The following PHACTR2 variants were observed in gnomAD, a reference collection of about 807,000 sequenced individuals.
The protein encoded by PHACTR2 is chromosome 6 open reading frame 56.
In PHACTR2, 30 loss-of-function variants were observed where a neutral mutation model predicts 76.0. The observed-to-expected ratio is 0.39, with a 90% confidence interval of 0.30 to 0.54. PHACTR2 has a LOEUF of 0.54. Ranked by LOEUF, PHACTR2 falls within the 20% of genes least tolerant of loss-of-function variation. PHACTR2 has a pLI of 0.61. For missense variants in PHACTR2, 696 were observed against 781.1 expected (o/e 0.89, Z 1.30); for synonymous variants, 292 against 292.5 (o/e 1.00, Z 0.02).
intron 1 of PHACTR2, among the ~76,000 whole-genome samples, chr6:143,563,382 G>A (rs1231160224): frequency 7.9e-6 from 1 of 126,748 alleles, no homozygotes; most frequent in Non-Finnish European, 1.7e-5. Flanking sequence ...TGCGAACATG[G>A]TGAAACCGCA....
rs1342671708 is a variant in PHACTR2, at chr6:143,767,065, TA to T, written c.1232+1268del. ...GTTGGTTTTGGTCAAGAAACTAAAA[TA>T]TCAACTTTAATTCTTTAATTGCTAA... is the stretch of plus-strand genomic sequence containing the variant. On this transcript the variant is annotated intron_variant, in intron 6 of 12. Coordinates refer to ENST00000440869, the MANE Select transcript of PHACTR2 (RefSeq NM_001100164.2). The surrounding 1 kb of genome is among the most constrained non-coding windows in gnomAD (Gnocchi z 4.4). Among the ~76,000 whole-genome samples the T allele has an allele frequency of 3.3e-5, 5 of 152,252 alleles. No individual in the cohort carries two copies. The highest frequency in any genetic ancestry group is 1.2e-4 in the African/African-American group (5 of 41,468).
intron 1 of PHACTR2, among the ~76,000 whole-genome samples, chr6:143,620,072 C>T (rs1378643917): frequency 1.3e-5 from 2 of 152,156 alleles, no homozygotes; most frequent in African/African-American, 4.8e-5. Context: ...AACTGTATGA[C>T]TGTGACGATA....
chr6:143,660,581 T>C (rs779933905), intron 1 of PHACTR2, among the ~76,000 whole-genome samples: 1 of 152,208 alleles, frequency 6.6e-6, no homozygotes, highest in African/African-American at 2.4e-5. Flanking sequence ...CAGGTTCATT[T>C]ATTCATTCAT....
intron 2 of PHACTR2, 75 bp downstream of exon 2, chr6:143,712,258 AGT>A (rs897876974): frequency 4.9e-6 from 5 of 1,028,194 alleles, no homozygotes; most frequent in Non-Finnish European, 6.7e-6. Flanking sequence ...TATGTTTTAC[AGT>A]GTGTTTTTTC....
rs760477419 is a variant in PHACTR2 at position 143,700,706 on chromosome 6, T to C, written c.47-11310T>C. ...GAACAGGGTGATCATTATCCTATCA[T>C]GGATGAGTTGAAATTCTTTCACTTG... On this transcript the variant is annotated intron_variant, in intron 1 of 12. Transcript: ENST00000440869. This position sits in a 1 kb window ranked among gnomAD's most constrained non-coding sequence, Gnocchi z 4.1. 2.0e-5 allele frequency among the ~76,000 whole-genome samples: 3 copies of C among 152,244 alleles called. No individual in the cohort carries two copies. Among genetic ancestry groups the C allele is most frequent in the Non-Finnish European group, 4.4e-5 (3 of 68,044 alleles).
chr6:143,707,666 T>C (rs1339779193), intron 1 of PHACTR2, among the ~76,000 whole-genome samples: 5 of 152,232 alleles, frequency 3.3e-5, no homozygotes. Context: ...TCTCTATAAT[T>C]TATTTATCAA....
At position 143,725,820 on chromosome 6, in the gene PHACTR2, C is replaced by CA. The variant is rs35596471; in HGVS notation, c.214+13653dup. 8.5e-3 allele frequency among the ~76,000 whole-genome samples: 1,124 copies of CA among 132,002 alleles called. 7 individuals are homozygous for CA. The highest frequency in any genetic ancestry group is 0.031 in the Middle Eastern group (8 of 256). 86.6% of individuals were successfully genotyped at this position (132,002 alleles called of 152,430 possible). A position where few individuals can be genotyped will look rare whatever the true frequency, so the allele number is the denominator to read the frequency against. ...CAGCCTGGCAATAGAGACTCTGTCT[C>CA]AAAAAAAAAAAAAAAAGAATGTCAT... On this transcript the variant is annotated intron_variant, in intron 2 of 12. Coordinates refer to ENST00000440869, the MANE Select transcript of PHACTR2 (RefSeq NM_001100164.2).
Position 143,825,649 on chromosome 6 carries a change from A to G in PHACTR2, c.*1960A>G, listed in dbSNP as rs1238804704. 6.6e-6 allele frequency: 1 copy of G among 152,064 alleles called. No homozygotes were observed. Among genetic ancestry groups the G allele is most frequent in the Non-Finnish European group, 1.5e-5 (1 of 67,996 alleles). 9.4% of individuals were successfully genotyped at this position (152,064 alleles called of 1,614,324 possible). ...TTTCCCAAAGTCATGCTTTTCCTTA[A>G]TTATATTTTTATTTTATTATTTTAG... On this transcript the variant is annotated 3_prime_UTR_variant, in exon 13 of 13. Coordinates refer to ENST00000440869, the MANE Select transcript of PHACTR2 (RefSeq NM_001100164.2). This position sits in a 1 kb window ranked among gnomAD's most constrained non-coding sequence, Gnocchi z 4.1.
rs1776010541 is a variant in PHACTR2 at position 143,803,760 on chromosome 6, TA to T, written c.1846-3296del. 6.6e-6 allele frequency among the ~76,000 whole-genome samples: 1 copy of T among 152,184 alleles called. No individual in the cohort carries two copies. The highest frequency in any genetic ancestry group is 2.1e-4 in the South Asian group (1 of 4,834). ...ATAGAGAAATACTGTATTTTGTAAA[TA>T]GGAATACCACTACTAAAACCATAAT... On this transcript the variant is annotated intron_variant, in intron 11 of 12. Transcript: ENST00000440869. This position sits in a 1 kb window ranked among gnomAD's most constrained non-coding sequence, Gnocchi z 4.7.
In PHACTR2 at chr6:143,807,149, C is replaced by A. The variant is rs1355115315; in HGVS notation, c.1922+16C>A. On this transcript the variant is annotated intron_variant, in intron 12 of 12. Transcript: ENST00000440869. The surrounding 1 kb of genome is among the most constrained non-coding windows in gnomAD (Gnocchi z 5.5). ...AGTTTACAAGGTAGGTGACAAAATG[C>A]AGCTTAGAAATTGAAAATGCTTAAG... 2.0e-6 allele frequency: 3 copies of A among 1,510,756 alleles called. No homozygotes were observed. The highest frequency in any genetic ancestry group is 2.7e-6 in the Non-Finnish European group (3 of 1,094,872). The allele number at this position is 1,510,756 out of a possible 1,614,324, so 93.6% of individuals were successfully genotyped here. A position where few individuals can be genotyped will look rare whatever the true frequency, so the allele number is the denominator to read the frequency against.
In PHACTR2 at chr6:143,558,485, A is replaced by T. The variant is rs914495211; in HGVS notation, c.217+21278A>T. On this transcript the variant is annotated intron_variant, in intron 1 of 11. Transcript: ENST00000367584. This position sits in a 1 kb window ranked among gnomAD's most constrained non-coding sequence, Gnocchi z 4.7. ...ATATGTAGTAAAACTACTAGGTTTT[A>T]AAAAAATTGAGTGTCAGATCTGTTA... is the stretch of plus-strand genomic sequence containing the variant. Among the ~76,000 whole-genome samples the T allele has an allele frequency of 1.3e-5, 2 of 152,178 alleles. No individual in the cohort carries two copies. Among genetic ancestry groups the T allele is most frequent in the Admixed American group, 6.5e-5 (1 of 15,278 alleles).
In PHACTR2 at chr6:143,617,805, G is replaced by C. The variant is rs568190803; in HGVS notation, c.13+9483G>C. Among the ~76,000 whole-genome samples, 29 of 152,294 alleles carry C rather than the reference G, an allele frequency of 1.9e-4. No individual in the cohort carries two copies. Among genetic ancestry groups the C allele is most frequent in the African/African-American group, 7.0e-4 (29 of 41,566 alleles). On this transcript the variant is annotated intron_variant, in intron 1 of 11. Coordinates refer to the PHACTR2 transcript ENST00000305766. This position sits in a 1 kb window ranked among gnomAD's most constrained non-coding sequence, Gnocchi z 4.8. ...GGCAATGTATCAGGATAGGAACAAC[G>C]GAAACTGAAGCCAGACTTTCTATAA...
At position 143,696,218 on chromosome 6, in the gene PHACTR2, C is replaced by T. The variant is rs935860006; in HGVS notation, c.47-15798C>T. On this transcript the variant is annotated intron_variant, in intron 1 of 12. Transcript: ENST00000440869. The surrounding 1 kb of genome is among the most constrained non-coding windows in gnomAD (Gnocchi z 4.1). ...TTCTGCTATAGAGTAGTGGGGATTT[C>T]CCTCGAGTCTTAGTTGGTTTTAGCA... Among the ~76,000 whole-genome samples the T allele has an allele frequency of 4.6e-5, 7 of 152,134 alleles. No individual in the cohort carries two copies. Among genetic ancestry groups the T allele is most frequent in the African/African-American group, 1.7e-4 (7 of 41,428 alleles).
At position 143,825,634 on chromosome 6, in the gene PHACTR2, T is replaced by G. The variant is rs1200622424; in HGVS notation, c.*1945T>G. On this transcript the variant is annotated 3_prime_UTR_variant, in exon 13 of 13. Coordinates refer to ENST00000440869, the MANE Select transcript of PHACTR2 (RefSeq NM_001100164.2). This position sits in a 1 kb window ranked among gnomAD's most constrained non-coding sequence, Gnocchi z 4.1. Reference sequence around the variant, plus strand: ...ACTTGTGATTTTTTTTTTCCCAAAGTCATGCTTTTCCTTAATTATATTTTT... The same window carrying G: ...ACTTGTGATTTTTTTTTTCCCAAAGGCATGCTTTTCCTTAATTATATTTTT... 1 of 152,122 alleles carries G rather than the reference T, an allele frequency of 6.6e-6. No individual in the cohort carries two copies. Among genetic ancestry groups the G allele is most frequent in the Admixed American group, 6.5e-5 (1 of 15,282 alleles). The allele number at this position is 152,122 out of a possible 1,614,324, so 9.4% of individuals were successfully genotyped here. A position where few individuals can be genotyped will look rare whatever the true frequency, so the allele number is the denominator to read the frequency against.
chr6:143,757,963 G>A lies in PHACTR2; in HGVS notation c.455-2438G>A, dbSNP rs3748076. On this transcript the variant is annotated intron_variant, in intron 4 of 12. Transcript: ENST00000440869. The surrounding 1 kb of genome is among the most constrained non-coding windows in gnomAD (Gnocchi z 4.2). Reference sequence around the variant, plus strand: ...CGTGTGTGTGCATGCACACGTGCGCGCACACACACACACACACACACACAC... The same window carrying A: ...CGTGTGTGTGCATGCACACGTGCGCACACACACACACACACACACACACAC... 0.56 allele frequency among the ~76,000 whole-genome samples: 74,202 copies of A among 131,398 alleles called. 18,517 individuals are homozygous for A. The highest frequency in any genetic ancestry group is 0.63 in the South Asian group (2,713 of 4,288). The allele number at this position is 131,398 out of a possible 152,430, so 86.2% of individuals were successfully genotyped here.
intron 1 of PHACTR2, among the ~76,000 whole-genome samples, chr6:143,707,661 A>G (rs1040703550): frequency 2.0e-5 from 3 of 152,244 alleles, no homozygotes; most frequent in Non-Finnish European, 4.4e-5. Context: ...AAGAATCTCT[A>G]TAATTTATTT....
intron 2 of PHACTR2, among the ~76,000 whole-genome samples, chr6:143,714,355 C>G (rs1778254189): frequency 6.6e-6 from 1 of 152,160 alleles, no homozygotes; most frequent in South Asian, 2.1e-4. Context: ...CGATAAATAC[C>G]ACTTTTCCTG....
At position 143,625,453 on chromosome 6, in the gene PHACTR2, C is replaced by T. The variant is rs1249167814; in HGVS notation, c.13+17131C>T. ...TATTATTTATAACTTAAGCCACATACCGTGAAAATAAACTACTCACAACAT... is the reference window on the plus strand; with the variant it reads ...TATTATTTATAACTTAAGCCACATATCGTGAAAATAAACTACTCACAACAT... On this transcript the variant is annotated intron_variant, in intron 1 of 11. Coordinates refer to the PHACTR2 transcript ENST00000305766. This position sits in a 1 kb window ranked among gnomAD's most constrained non-coding sequence, Gnocchi z 4.3. Among the ~76,000 whole-genome samples the T allele has an allele frequency of 6.6e-6, 1 of 151,944 alleles. No homozygotes were observed. The highest frequency in any genetic ancestry group is 1.5e-5 in the Non-Finnish European group (1 of 68,000).
chr6:143,563,551 C>CAAAAAAAAAAAA (rs76587878), intron 1 of PHACTR2, among the ~76,000 whole-genome samples: 1 of 29,954 alleles, frequency 3.3e-5, no homozygotes, highest in East Asian at 8.4e-4. Context: ...AACTCCGTCT[C>CAAAAAAAAAAAA]AAAAAAAAAA....
Sources: gnomAD v4.1 joint callset for allele counts (sites outside exome capture counted in the v4.1 genomes callset) on GRCh38, gnomAD v4.1.1 for gene constraint, Gnocchi (gnomAD v3.1) non-coding constraint, MANE v1.5 for transcripts, NCBI Gene and HGNC (gene_info 2026-07-23, HGNC 2026-07-21) for gene names.